The following RBFOX1 variants were observed in gnomAD, a reference collection of about 807,000 sequenced individuals.
RBFOX1 encodes the protein RNA binding fox-1 homolog 1, also known as RNA binding protein fox-1 homolog 1.
In RBFOX1, 8 loss-of-function variants were observed where a neutral mutation model predicts 57.7. That is an observed-to-expected ratio of 0.14 (90% CI 0.08 to 0.25). The LOEUF (loss-of-function observed/expected upper bound fraction) is 0.25. RBFOX1 is among the 10% of genes least tolerant of loss of function. The pLI is 1.00. For missense variants in RBFOX1, 611 were observed against 548.5 expected, an observed-to-expected ratio of 1.11 and a Z score of -1.14; for synonymous variants, 326 against 222.4, an observed-to-expected ratio of 1.47 and a Z score of -4.15.
intron 4 of RBFOX1, among the ~76,000 whole-genome samples, chr16:7,292,931 A>G (rs555590207): frequency 2.6e-5 from 4 of 152,272 alleles, no homozygotes; most frequent in Non-Finnish European, 4.4e-5. Flanking sequence ...TTTAAGGAGC[A>G]GGAAACAGAG....
chr16:7,122,259 G>A (rs900886930), intron 4 of RBFOX1, among the ~76,000 whole-genome samples: 6 of 152,104 alleles, frequency 3.9e-5, no homozygotes, highest in Non-Finnish European at 5.9e-5. Flanking sequence ...CTTGACAAAT[G>A]TTCAGTATCT....
intron 4 of RBFOX1, among the ~76,000 whole-genome samples, chr16:7,256,798 G>C (rs895743440): frequency 6.6e-6 from 1 of 152,150 alleles, no homozygotes; most frequent in Non-Finnish European, 1.5e-5. Flanking sequence ...TCTTGGACCA[G>C]TCACCAGCTC....
At position 7,044,144 on chromosome 16, in the gene RBFOX1, G is replaced by A. The variant is rs78348439; in HGVS notation, c.-15-7913G>A. 8.8e-3 allele frequency among the ~76,000 whole-genome samples: 1,344 copies of A among 152,214 alleles called. 25 individuals carry two copies. The highest frequency in any genetic ancestry group is 0.031 in the African/African-American group (1,276 of 41,542). Reference sequence around the variant, plus strand: ...CACTTAGGACAGTGTCTGACATCCAGAAGGTGCTTGAGATATGTGTATGTA... The same window carrying A: ...CACTTAGGACAGTGTCTGACATCCAAAAGGTGCTTGAGATATGTGTATGTA... On this transcript the variant is annotated intron_variant, in intron 3 of 15. Transcript: ENST00000550418.
chr16:5,467,283 A>G (rs2068983400), intron 2 of RBFOX1: 3 of 1,467,122 alleles, frequency 2.0e-6, no homozygotes, highest in East Asian at 2.5e-5. Flanking sequence ...CTGACTTAGG[A>G]TGTCTGTGAA....
chr16:7,102,765 G>A (rs2062908246), intron 4 of RBFOX1, among the ~76,000 whole-genome samples: 1 of 152,126 alleles, frequency 6.6e-6, no homozygotes, highest in Non-Finnish European at 1.5e-5. Flanking sequence ...TACTAAGAAT[G>A]AAGTATCACT....
intron 3 of RBFOX1, among the ~76,000 whole-genome samples, chr16:5,731,515 A>G (rs1770566526): frequency 6.6e-6 from 1 of 152,196 alleles, no homozygotes; most frequent in African/African-American, 2.4e-5. Flanking sequence ...AGGGGCCGTG[A>G]TTTGAACCTC....
chr16:5,494,647 A>G (rs1205125381), intron 2 of RBFOX1, among the ~76,000 whole-genome samples: 3 of 152,214 alleles, frequency 2.0e-5, no homozygotes, highest in African/African-American at 7.2e-5. Flanking sequence ...CAGAGGAGCC[A>G]TATATGCTTG....
At chr16:7,410,847 G>A (rs761914305) in intron 4 of RBFOX1, among the ~76,000 whole-genome samples, 56 of 150,952 alleles carry the variant, frequency 3.7e-4, no homozygotes, top group Non-Finnish European at 5.0e-4. Context: ...GTGTGTGTGT[G>A]TGTGTGTGTG....
At chr16:5,580,741 T>G (rs753735676) in intron 2 of RBFOX1, among the ~76,000 whole-genome samples, 2 of 152,194 alleles carry the variant, frequency 1.3e-5, no homozygotes, top group Non-Finnish European at 2.9e-5. Flanking sequence ...TGGGGACTCC[T>G]ACACTTAGGT....
At chr16:7,000,439 C>T (rs909128123) in intron 3 of RBFOX1, among the ~76,000 whole-genome samples, 1 of 152,080 alleles carries the variant, frequency 6.6e-6, no homozygotes, top group Non-Finnish European at 1.5e-5. Context: ...ATGCAACAGT[C>T]TCTACATAGT....
chr16:7,450,412 A>AC (rs2098842665), intron 4 of RBFOX1, among the ~76,000 whole-genome samples: 1 of 151,214 alleles, frequency 6.6e-6, no homozygotes, highest in African/African-American at 2.4e-5. Context: ...AAAAAAAAAA[A>AC]AAGGAGAAAC....
chr16:5,424,875 T>TTTC lies in RBFOX1; in HGVS notation c.220-42339_220-42338insCTT, dbSNP rs2067473338. ...TCTCTCTCTCTTCTTTCTTTCTTTT[T>TTTC]TTTCTTTCTTTCTTTCTTTCTTTCT... On this transcript the variant is annotated intron_variant, in intron 1 of 2. Coordinates refer to the RBFOX1 transcript ENST00000585867. Among the ~76,000 whole-genome samples the TTTC allele has an allele frequency of 2.3e-3, 174 of 76,886 alleles. 1 individual carries two copies. The highest frequency in any genetic ancestry group is 4.6e-3 in the Admixed American group (30 of 6,530). The allele number at this position is 76,886 out of a possible 152,430, so 50.4% of individuals were successfully genotyped here.
At chr16:6,090,981 A>T (rs1454204358) in intron 1 of RBFOX1, among the ~76,000 whole-genome samples, 2 of 152,240 alleles carry the variant, frequency 1.3e-5, no homozygotes, top group African/African-American at 4.8e-5. Flanking sequence ...GGTACATCCC[A>T]TGCATGTGCA....
At chr16:5,883,536 A>G (rs1172651806) in intron 4 of RBFOX1, among the ~76,000 whole-genome samples, 2 of 151,980 alleles carry the variant, frequency 1.3e-5, no homozygotes, top group Non-Finnish European at 2.9e-5. Flanking sequence ...CACAGTCCCA[A>G]CGTTGGACTG....
chr16:5,381,673 T>G (rs2066134881), intron 1 of RBFOX1, among the ~76,000 whole-genome samples: 1 of 152,204 alleles, frequency 6.6e-6, no homozygotes, highest in Non-Finnish European at 1.5e-5. Flanking sequence ...AGGCAGACTC[T>G]TGGCATGGTG....
chr16:6,939,845 G>A (rs1374405301), intron 3 of RBFOX1, among the ~76,000 whole-genome samples: 10 of 152,094 alleles, frequency 6.6e-5, no homozygotes, highest in Non-Finnish European at 1.0e-4. Context: ...CATATAGCTG[G>A]TGGAAGATAC....
chr16:7,209,731 G>C (rs1347329982), intron 4 of RBFOX1, among the ~76,000 whole-genome samples: 1 of 152,166 alleles, frequency 6.6e-6, no homozygotes, highest in Non-Finnish European at 1.5e-5. Flanking sequence ...TGTAACCTTT[G>C]TGGGGGCAGG....
chr16:7,221,058 C>G (rs528496478), intron 4 of RBFOX1, among the ~76,000 whole-genome samples: 1 of 152,070 alleles, frequency 6.6e-6, no homozygotes, highest in African/African-American at 2.4e-5. Flanking sequence ...GAGGTGTGTT[C>G]GCTGTCTTCA....
At chr16:7,116,175 C>T (rs1267884502) in intron 4 of RBFOX1, among the ~76,000 whole-genome samples, 2 of 152,108 alleles carry the variant, frequency 1.3e-5, no homozygotes, top group Non-Finnish European at 2.9e-5. Flanking sequence ...CATTTTTCTC[C>T]CGTTCACCAG....
Sources: allele counts gnomAD v4.1 joint callset (sites outside exome capture counted in the v4.1 genomes callset), GRCh38; gene constraint gnomAD v4.1.1; transcripts MANE v1.5; gene names NCBI Gene and HGNC (gene_info 2026-07-23, HGNC 2026-07-21).